STARD9: variants seen among roughly 807,000 people sequenced by gnomAD.
STARD9 encodes the protein StAR related lipid transfer domain containing 9.
A neutral mutation model predicts 399.8 loss-of-function variants in STARD9; 346 were observed. That is an observed-to-expected ratio of 0.87 (90% confidence interval 0.79 to 0.95). The LOEUF (loss-of-function observed/expected upper bound fraction) is 0.95. STARD9 is among the 40% of genes least tolerant of loss of function. The probability of loss-of-function intolerance (pLI) is 0.00; values close to 1 mark genes in which losing one functional copy is unlikely to be tolerated. For synonymous variants in STARD9, 2,203 were observed against 2,143.5 expected (o/e 1.03, Z -0.77); for missense variants, 5,832 against 5,667.5 (o/e 1.03, Z -0.93).
intron 10 of STARD9, among the ~76,000 whole-genome samples, chr15:42,662,579 A>G (rs1444738840): frequency 6.6e-6 from 1 of 152,218 alleles, no homozygotes; most frequent in African/African-American, 2.4e-5. Flanking sequence ...ACAGAAACAT[A>G]ATGAGTTATT....
At chr15:42,665,956 T>A (rs2060093184) in intron 15 of STARD9, 108 bp downstream of exon 15, 9 of 867,116 alleles carry the variant, frequency 1.0e-5, no homozygotes, top group African/African-American at 1.7e-5. Context: ...AAGAGCTGTC[T>A]CATTTAAATA....
At chr15:42,622,369 GTCTC>G (rs1168725671) in intron 3 of STARD9, among the ~76,000 whole-genome samples, 1 of 151,360 alleles carries the variant, frequency 6.6e-6, no homozygotes, top group African/African-American at 2.4e-5. Flanking sequence ...CTCTCTCTCT[GTCTC>G]TCTCTTTTTT....
In STARD9 at chr15:42,692,118, A is replaced by G. The variant is rs777745712; in HGVS notation, c.10540A>G (p.Met3514Val). Reference protein sequence around the residue: ...TLSNVARCSSMDNGLEDQNSP... With the variant: ...TLSNVARCSSVDNGLEDQNSP... ...ATCAAATGTGGCCCGGTGCTCCAGCATGGACAATGGCCTAGAAGACCAGAA... is the reference window on the plus strand; with the variant it reads ...ATCAAATGTGGCCCGGTGCTCCAGCGTGGACAATGGCCTAGAAGACCAGAA... Residue 3514 changes from methionine to valine, a missense_variant, in exon 23 of 33, where the codon ATG becomes GTG. By Grantham distance (21) the Met-to-Val change is conservative. Transcript: ENST00000290607. 1.1e-5 allele frequency: 17 copies of G among 1,537,070 alleles called. No homozygotes were observed. The highest frequency in any genetic ancestry group is 1.5e-5 in the Non-Finnish European group (17 of 1,146,916).
chr15:42,649,409 T>C (rs2141983036), intron 7 of STARD9, among the ~76,000 whole-genome samples: 1 of 152,352 alleles, frequency 6.6e-6, no homozygotes, highest in Non-Finnish European at 1.5e-5. Context: ...ACTCATTCTT[T>C]CTTCAGCTAT....
At chr15:42,662,569 A>G (rs2060011972) in intron 10 of STARD9, among the ~76,000 whole-genome samples, 1 of 152,260 alleles carries the variant, frequency 6.6e-6, no homozygotes, top group South Asian at 2.1e-4. Context: ...CAAAATAAAA[A>G]CAGAAACATA....
At chr15:42,594,431 A>T (rs2058465056) in intron 3 of STARD9, among the ~76,000 whole-genome samples, 1 of 152,220 alleles carries the variant, frequency 6.6e-6, no homozygotes, top group South Asian at 2.1e-4. Context: ...GATAAAAGAG[A>T]TTTCAGTTAA....
chr15:42,606,297 A>G (rs2058721162), intron 3 of STARD9, among the ~76,000 whole-genome samples: 1 of 152,158 alleles, frequency 6.6e-6, no homozygotes, highest in South Asian at 2.1e-4. Context: ...CTAACCTCTA[A>G]TACTTGGAGT....
At position 42,717,091 on chromosome 15, in the gene STARD9, G is replaced by A. The variant is rs566047008; in HGVS notation, c.13494+43G>A. ...CCCATCCCTACCATTCCTTTACCCAGACCTCTGCTGGGTGTGCAGGAAGAG... is the reference window on the plus strand; with the variant it reads ...CCCATCCCTACCATTCCTTTACCCAAACCTCTGCTGGGTGTGCAGGAAGAG... On this transcript the variant is annotated intron_variant, in intron 28 of 32. Coordinates refer to ENST00000290607, the MANE Select transcript of STARD9 (RefSeq NM_020759.3). 442 of 1,533,752 alleles carry A rather than the reference G, an allele frequency of 2.9e-4. No individual in the cohort carries two copies. The African/African-American group carries it at 5.6e-3, about 19-fold the overall frequency.
Position 42,701,189 on chromosome 15 carries a change from A to G in STARD9, c.13284+5309A>G, listed in dbSNP as rs2136902. ...GTATTTTTTGAAGTCAGGTACTGTG[A>G]TGCCTCCAGCTTTGTTTTGCTCAGA... is the stretch of plus-strand genomic sequence containing the variant. On this transcript the variant is annotated intron_variant, in intron 26 of 32. Transcript: ENST00000290607. Among the ~76,000 whole-genome samples the G allele has an allele frequency of 3.0e-3, 462 of 152,296 alleles. 13 individuals carry two copies. The East Asian group carries it at 0.046, about 15-fold the overall frequency.
chr15:42,575,691 G>T lies in STARD9; in HGVS notation c.-25G>T, dbSNP rs980664366. ...TGGGATGCTGCCGCTGAGCTGACCCGCTGGACTTGGGTTGTGGCAGACGGA... is the reference window on the plus strand; with the variant it reads ...TGGGATGCTGCCGCTGAGCTGACCCTCTGGACTTGGGTTGTGGCAGACGGA... On this transcript the variant is annotated 5_prime_UTR_variant, in exon 1 of 33. Coordinates refer to ENST00000290607, the MANE Select transcript of STARD9 (RefSeq NM_020759.3). The T allele has an allele frequency of 2.3e-5, 35 of 1,536,220 alleles. No homozygotes were observed. Among genetic ancestry groups the T allele is most frequent in the African/African-American group, 2.7e-5 (2 of 73,012 alleles).
At chr15:42,641,473 T>G (rs2059535909) in intron 7 of STARD9, among the ~76,000 whole-genome samples, 1 of 152,108 alleles carries the variant, frequency 6.6e-6, no homozygotes, top group Non-Finnish European at 1.5e-5. Flanking sequence ...CCATTAACTC[T>G]TCATTTACAT....
chr15:42,594,471 C>T (rs1051766013), intron 3 of STARD9, among the ~76,000 whole-genome samples: 1 of 152,050 alleles, frequency 6.6e-6, no homozygotes, highest in African/African-American at 2.4e-5. Context: ...AATTAGGACA[C>T]GAAGAGTAAC....
intron 9 of STARD9, among the ~76,000 whole-genome samples, chr15:42,658,348 AT>A (rs1267318873): frequency 2.7e-5 from 4 of 148,350 alleles, no homozygotes; most frequent in African/African-American, 1.0e-4. Flanking sequence ...TAACTTTTGT[AT>A]TTTTTTTGTA....
At chr15:42,656,393 G>C (rs2059874267) in intron 9 of STARD9, among the ~76,000 whole-genome samples, 1 of 136,698 alleles carries the variant, frequency 7.3e-6, no homozygotes, top group Non-Finnish European at 1.5e-5. Flanking sequence ...ATGGTGAAAA[G>C]GGAACGCTTT....
intron 3 of STARD9, among the ~76,000 whole-genome samples, chr15:42,599,456 T>C (rs9652442): frequency 0.012 from 1,855 of 152,308 alleles, 49 homozygotes; most frequent in African/African-American, 0.043. Context: ...CTCTTCCTAG[T>C]GTATATTAAT....
chr15:42,658,909 C>G (rs1037445522), intron 9 of STARD9, among the ~76,000 whole-genome samples: 1 of 151,976 alleles, frequency 6.6e-6, no homozygotes, highest in East Asian at 1.9e-4. Flanking sequence ...GATCGGGGGT[C>G]GAGACCAGCC....
intron 26 of STARD9, among the ~76,000 whole-genome samples, chr15:42,713,849 T>G (rs1215135688): frequency 6.6e-6 from 1 of 152,146 alleles, no homozygotes; most frequent in Non-Finnish European, 1.5e-5. Flanking sequence ...ATAGTTTACT[T>G]GTGATGTCTT....
chr15:42,605,277 C>T (rs1288154594), intron 3 of STARD9, among the ~76,000 whole-genome samples: 1 of 152,172 alleles, frequency 6.6e-6, no homozygotes, highest in Non-Finnish European at 1.5e-5. Flanking sequence ...GAAAACCTTT[C>T]TGCAGGAAAG....
Position 42,695,243 on chromosome 15 carries a change from C to T in STARD9, c.13066C>T (p.Arg4356Trp), listed in dbSNP as rs539746554. 1.3e-5 allele frequency: 20 copies of T among 1,537,118 alleles called. No individual in the cohort carries two copies. Among genetic ancestry groups the T allele is most frequent in the East Asian group, 4.9e-5 (2 of 40,906 alleles). ...TGAGGAGGCCAAGGTGGAGATTGCC[C>T]GGGCCCGAGACCAACTGCGGGAGCG... ...AHEEAKVEIARARDQLRERTE... is the reference protein window; with the variant it reads ...AHEEAKVEIAWARDQLRERTE... Residue 4356 changes from arginine (R) to tryptophan (W), a missense_variant, in exon 25 of 33, where the codon CGG becomes TGG. Physicochemically the swap from Arg to Trp is moderately radical, Grantham distance 101 (BLOSUM62 -3). Around this residue, in one of 2 missense-constraint regions of STARD9, gnomAD observed 5,828 missense variants for 5,651.1 expected, o/e 1.03. Transcript: ENST00000290607.
Sources: gnomAD v4.1 joint callset for allele counts (sites outside exome capture counted in the v4.1 genomes callset) on GRCh38, gnomAD v4.1.1 for gene constraint, gnomAD v4.1.1 regional missense constraint, MANE v1.5 for transcripts, NCBI Gene and HGNC (gene_info 2026-07-23, HGNC 2026-07-21) for gene names.